NFASC: variants seen among roughly 807,000 people sequenced by gnomAD.
NFASC encodes neurofascin, also known as neurofascin homolog.
NFASC carries 43 observed loss-of-function variants against 147.5 expected under a neutral mutation model. The ratio of observed to expected loss-of-function variants is 0.29; its 90% CI spans 0.23 to 0.38. The LOEUF (loss-of-function observed/expected upper bound fraction) is 0.38. Among genes scored for constraint, NFASC ranks in the 10% least tolerant of loss-of-function variants. NFASC has a pLI of 1.00. For missense variants in NFASC, 1,320 were observed against 1,689.0 expected (o/e 0.78, Z 3.83); for synonymous variants, 622 against 665.5 (o/e 0.93, Z 1.01).
chr1:204,841,474 T>C (rs2102501272), intron 1 of NFASC, among the ~76,000 whole-genome samples: 1 of 152,306 alleles, frequency 6.6e-6, no homozygotes, highest in East Asian at 1.9e-4. Context: ...TAGGGAATGT[T>C]AGGATCTGAC....
At chr1:204,955,817 C>T (rs1026056444) in intron 7 of NFASC, among the ~76,000 whole-genome samples, 3 of 152,102 alleles carry the variant, frequency 2.0e-5, no homozygotes, top group Non-Finnish European at 2.9e-5. Flanking sequence ...TCTCCACCTA[C>T]GTACCTGCCA....
At chr1:204,951,625 C>G (rs1244500813) in intron 4 of NFASC, among the ~76,000 whole-genome samples, 2 of 151,556 alleles carry the variant, frequency 1.3e-5, no homozygotes, top group African/African-American at 4.9e-5. Context: ...CCCTCCACCA[C>G]GCCCGGCTAA....
intron 1 of NFASC, among the ~76,000 whole-genome samples, chr1:204,863,462 T>C (rs965607136): frequency 1.3e-5 from 2 of 152,252 alleles, no homozygotes; most frequent in African/African-American, 4.8e-5. Flanking sequence ...TCAACCATTT[T>C]GTAGACATAC....
chr1:204,869,365 A>G (rs952874884), intron 1 of NFASC, among the ~76,000 whole-genome samples: 12 of 152,250 alleles, frequency 7.9e-5, no homozygotes, highest in Admixed American at 7.9e-4. Flanking sequence ...ACACTTAGAA[A>G]AGATAAATAA....
chr1:204,982,111 A>G (rs2095520652), intron 21 of NFASC, 91 bp downstream of exon 21: 5 of 804,138 alleles, frequency 6.2e-6, no homozygotes, highest in Non-Finnish European at 9.4e-6. Context: ...TGGGGTGGGT[A>G]TGGGAGGACA....
At chr1:204,912,111 G>A (rs542143357) in intron 1 of NFASC, among the ~76,000 whole-genome samples, 34 of 151,668 alleles carry the variant, frequency 2.2e-4, no homozygotes, top group Non-Finnish European at 4.4e-4. Flanking sequence ...TCCCTATTGT[G>A]TTTGTTCTCT....
At chr1:204,900,967 G>T (rs916877517) in intron 1 of NFASC, among the ~76,000 whole-genome samples, 4 of 152,108 alleles carry the variant, frequency 2.6e-5, no homozygotes, top group Non-Finnish European at 5.9e-5. Flanking sequence ...GTCAGTCACT[G>T]CATCTGGCCC....
intron 3 of NFASC, chr1:204,946,532 A>G (rs2093750364): frequency 4.8e-6 from 2 of 417,992 alleles, no homozygotes; most frequent in South Asian, 1.7e-5. Flanking sequence ...GGCCCTGGCA[A>G]CGTGTCCAAA....
intron 27 of NFASC, among the ~76,000 whole-genome samples, chr1:205,007,519 A>G (rs1422104593): frequency 6.6e-6 from 1 of 151,610 alleles, no homozygotes; most frequent in Non-Finnish European, 1.5e-5. Context: ...GGAAGGAAGG[A>G]AGGATTAAAT....
intron 26 of NFASC, 42 bp downstream of exon 26, chr1:205,001,328 C>T (rs372871744): frequency 5.7e-5 from 73 of 1,272,664 alleles, no homozygotes; most frequent in Admixed American, 4.5e-4. Context: ...GCAGCGGCGT[C>T]GGCAGCAGCG....
At chr1:204,939,038 ATGTGTGTGTG>A (rs60166382) in intron 2 of NFASC, among the ~76,000 whole-genome samples, 40 of 123,746 alleles carry the variant, frequency 3.2e-4, no homozygotes, top group African/African-American at 6.4e-4. Flanking sequence ...GTATGGATGG[ATGTGTGTGTG>A]TGTGTGTGTG....
At chr1:204,906,912 T>C (rs992219612) in intron 1 of NFASC, among the ~76,000 whole-genome samples, 1 of 152,176 alleles carries the variant, frequency 6.6e-6, no homozygotes, top group Non-Finnish European at 1.5e-5. Context: ...CTGCATCTCC[T>C]GACCTTGTGA....
intron 27 of NFASC, 72 bp from the exon 28 acceptor site, chr1:205,009,485 T>C: frequency 6.6e-7 from 1 of 1,510,908 alleles, no homozygotes; most frequent in East Asian, 2.2e-5. Flanking sequence ...CTGAAGTTCT[T>C]CCCTCCATCT....
chr1:204,999,025 C>T (rs540968699), intron 25 of NFASC: 5 of 152,216 alleles, frequency 3.3e-5, no homozygotes, highest in Non-Finnish European at 7.3e-5. Flanking sequence ...TGAATGTTCA[C>T]CTTTATCGTG....
chr1:204,841,454 A>C (rs145668066), intron 1 of NFASC, among the ~76,000 whole-genome samples: 1 of 152,308 alleles, frequency 6.6e-6, no homozygotes, highest in Non-Finnish European at 1.5e-5. Context: ...CAGAGATTCC[A>C]ATCTTCTGTT....
At chr1:204,886,576 G>A (rs1041100052) in intron 1 of NFASC, among the ~76,000 whole-genome samples, 4 of 152,212 alleles carry the variant, frequency 2.6e-5, no homozygotes, top group Non-Finnish European at 5.9e-5. Flanking sequence ...AAGTCTGGGA[G>A]GGGCCCAATA....
chr1:204,843,558 T>A (rs1219294993), intron 1 of NFASC, among the ~76,000 whole-genome samples: 1 of 151,924 alleles, frequency 6.6e-6, no homozygotes, highest in African/African-American at 2.4e-5. Context: ...TCTGTCTCTC[T>A]CTCTCCCTTC....
intron 2 of NFASC, among the ~76,000 whole-genome samples, chr1:204,936,198 C>A (rs12738661): frequency 1.4e-5 from 1 of 71,880 alleles, no homozygotes. Context: ...CTCTCTCTTT[C>A]TTTTTCTTTT....
intron 8 of NFASC, chr1:204,962,045 C>T (rs879073002): frequency 4.6e-5 from 60 of 1,293,646 alleles, no homozygotes; most frequent in Admixed American, 2.9e-4. Flanking sequence ...TTTCTCTCCC[C>T]GTTTATGCCT....
Sources: allele counts gnomAD v4.1 joint callset (sites outside exome capture counted in the v4.1 genomes callset), GRCh38; gene constraint gnomAD v4.1.1; transcripts MANE v1.5; gene names NCBI Gene and HGNC (gene_info 2026-07-23, HGNC 2026-07-21).